FRAS1: variants seen among roughly 807,000 people sequenced by gnomAD.
FRAS1 encodes Fraser extracellular matrix complex subunit 1.
A neutral mutation model predicts 435.2 loss-of-function variants in FRAS1; 290 were observed. The ratio of observed to expected loss-of-function variants is 0.67; its 90% CI spans 0.61 to 0.73. The LOEUF (loss-of-function observed/expected upper bound fraction) is 0.73, where lower values mean the gene tolerates loss of function less well. FRAS1 is among the 30% of genes least tolerant of loss of function. FRAS1 has a pLI of 0.00. For synonymous variants in FRAS1, 1,800 were observed against 1,851.0 expected (o/e 0.97, Z 0.71); for missense variants, 4,860 against 5,001.5 (o/e 0.97, Z 0.85).
At chr4:78,399,493 T>A (rs2110343676) in intron 29 of FRAS1, among the ~76,000 whole-genome samples, 1 of 152,330 alleles carries the variant, frequency 6.6e-6, no homozygotes, top group Middle Eastern at 3.4e-3. Context: ...AGTCTCCTTC[T>A]GTGGAAAATG....
chr4:78,315,588 C>T lies in FRAS1; in HGVS notation c.1679-6C>T. 6.2e-7 allele frequency: 1 copy of T among 1,604,022 alleles called. No homozygotes were observed. The highest frequency in any genetic ancestry group is 1.3e-5 in the African/African-American group (1 of 74,556). On this transcript the variant is annotated splice_polypyrimidine_tract_variant and splice_region_variant and intron_variant, in intron 15 of 73. Coordinates refer to ENST00000512123, the MANE Select transcript of FRAS1 (RefSeq NM_025074.7). ...TTTCTCTGATGGGTTTTTTGCCTCCCCTTAGCTTGTGACCAATCCTGTGAC... is the reference window on the plus strand; with the variant it reads ...TTTCTCTGATGGGTTTTTTGCCTCCTCTTAGCTTGTGACCAATCCTGTGAC...
At position 78,347,447 on chromosome 4, in the gene FRAS1, G is replaced by A. The variant is rs114502259; in HGVS notation, c.2422+9630G>A. On this transcript the variant is annotated intron_variant, in intron 20 of 73. Coordinates refer to ENST00000512123, the MANE Select transcript of FRAS1 (RefSeq NM_025074.7). ...CACTCTTTGACACTGAAAACTTGTC[G>A]ATGCCTTCCCATTGCCCATTGCATT... 5.6e-3 allele frequency among the ~76,000 whole-genome samples: 847 copies of A among 152,194 alleles called. 6 individuals carry two copies. Among genetic ancestry groups the A allele is most frequent in the African/African-American group, 0.019 (797 of 41,516 alleles).
At chr4:78,059,601 G>A (rs924683) in intron 1 of FRAS1, among the ~76,000 whole-genome samples, 3 of 151,616 alleles carry the variant, frequency 2.0e-5, no homozygotes, top group Admixed American at 6.6e-5. Flanking sequence ...TTGGTACTTA[G>A]AAAAATTAAT....
At chr4:78,251,441 A>G (rs1397220763) in intron 4 of FRAS1, among the ~76,000 whole-genome samples, 1 of 152,258 alleles carries the variant, frequency 6.6e-6, no homozygotes, top group Non-Finnish European at 1.5e-5. Flanking sequence ...ACGGTTGGAT[A>G]TGCATATATA....
At chr4:78,112,699 A>G (rs1742815657) in intron 2 of FRAS1, among the ~76,000 whole-genome samples, 1 of 152,080 alleles carries the variant, frequency 6.6e-6, no homozygotes, top group South Asian at 2.1e-4. Flanking sequence ...TCAAATGTCT[A>G]TGCTTCATAG....
intron 41 of FRAS1, among the ~76,000 whole-genome samples, chr4:78,445,167 T>G (rs923381274): frequency 3.3e-5 from 5 of 152,262 alleles, no homozygotes; most frequent in African/African-American, 7.2e-5. Context: ...GAATCTCTGC[T>G]TCTGTATTGT....
chr4:78,067,708 A>ATTATTATTATTATTG (rs751750821), intron 2 of FRAS1, among the ~76,000 whole-genome samples: 1,942 of 135,638 alleles, frequency 0.014, 27 homozygotes, highest in East Asian at 0.032. Context: ...TATTATTATT[A>ATTATTATTATTATTG]TTATTTGTAA....
intron 50 of FRAS1, 148 bp from the exon 51 acceptor site, chr4:78,469,830 A>G (rs756186842): frequency 1.5e-6 from 1 of 672,702 alleles, no homozygotes; most frequent in Non-Finnish European, 2.7e-6. Context: ...TTGTGCCAGG[A>G]TGATAAGGGA....
rs779641361 is a variant in FRAS1, at chr4:78,507,426, G to T, written c.9322G>T (p.Asp3108Tyr). The part of the protein sequence containing the change: ...SRVLKFSPGV[D>Y]HIFFKVEILS... ...TTGTTCTGTCCTTGGCGAAGGTGTG[G>T]ATCATATCTTTTTTAAAGTTGAGAT... The change falls in exon 62 of 74, where the codon GAT becomes TAT. Residue 3108 changes from aspartate to tyrosine, a missense_variant. Asp to Tyr is a radical substitution (Grantham distance 160, BLOSUM62 -3). Coordinates refer to ENST00000512123, the MANE Select transcript of FRAS1 (RefSeq NM_025074.7). 6.2e-6 allele frequency: 10 copies of T among 1,610,262 alleles called. No homozygotes were observed. Among genetic ancestry groups the T allele is most frequent in the Non-Finnish European group, 8.5e-6 (10 of 1,178,472 alleles).
At chr4:78,072,720 T>C (rs1422225491) in intron 2 of FRAS1, among the ~76,000 whole-genome samples, 1 of 152,212 alleles carries the variant, frequency 6.6e-6, no homozygotes, top group African/African-American at 2.4e-5. Flanking sequence ...GCCTCTGGTC[T>C]TTATTTTAAA....
intron 14 of FRAS1, among the ~76,000 whole-genome samples, chr4:78,299,499 T>G (rs1728290599): frequency 6.6e-6 from 1 of 152,166 alleles, no homozygotes. Flanking sequence ...AGTATTTTAC[T>G]ATTTTAACAA....
chr4:78,166,066 G>T lies in FRAS1; in HGVS notation c.109-71444G>T, dbSNP rs531712658. Among the ~76,000 whole-genome samples the T allele has an allele frequency of 2.0e-5, 3 of 152,270 alleles. No homozygotes were observed. The East Asian group carries it at 5.8e-4, about 29-fold the overall frequency. ...CTACAGGCCCCTCTCAGTGCTTTCTGTTAAACCTGTGAGTAATCTAATTGG... is the reference window on the plus strand; with the variant it reads ...CTACAGGCCCCTCTCAGTGCTTTCTTTTAAACCTGTGAGTAATCTAATTGG... On this transcript the variant is annotated intron_variant, in intron 2 of 73. Transcript: ENST00000512123.
At chr4:78,521,468 C>A in intron 67 of FRAS1, 55 bp from the exon 68 acceptor site, 1 of 1,185,210 alleles carries the variant, frequency 8.4e-7, no homozygotes, top group Non-Finnish European at 1.2e-6. Context: ...TATGTGGTTG[C>A]TGTCAGGGAG....
chr4:78,363,663 A>G lies in FRAS1; in HGVS notation c.2573A>G (p.Lys858Arg). 1 of 1,583,018 alleles carries G rather than the reference A, an allele frequency of 6.3e-7. No homozygotes were observed. Among genetic ancestry groups the G allele is most frequent in the East Asian group, 2.3e-5 (1 of 43,262 alleles). Residue 858 changes from lysine to arginine, a missense_variant and splice_region_variant, in exon 21 of 74, where the codon AAA becomes AGA. Transcript: ENST00000512123. ...SGYYAERGAC[K>R]KCHSSCRTCQ... is the part of the protein sequence containing the mutation. ...TACTATGCAGAGAGAGGAGCTTGTA[A>G]AAGTGAGTAAGTGCTGGACTCAGGA...
intron 6 of FRAS1, among the ~76,000 whole-genome samples, chr4:78,260,836 G>C (rs891983420): frequency 6.6e-6 from 1 of 152,070 alleles, no homozygotes; most frequent in Non-Finnish European, 1.5e-5. Context: ...TATTGGTTGT[G>C]GATGTTTCTT....
chr4:78,446,244 A>G lies in FRAS1; in HGVS notation c.5857-483A>G, dbSNP rs1053609931. On this transcript the variant is annotated intron_variant, in intron 42 of 73. Transcript: ENST00000512123. The stretch of plus-strand genomic sequence containing the variant: ...GCCTTGGGAAAATAAAATGTAAAGA[A>G]CCCTCTGCACTCTTAAGGGTCAGTG... The G allele has an allele frequency of 3.0e-6, 3 of 996,624 alleles. No homozygotes were observed. In the African/African-American group the frequency reaches 5.2e-5, roughly 17 times the overall value. 61.7% of individuals were successfully genotyped at this position (996,624 alleles called of 1,614,324 possible).
intron 24 of FRAS1, among the ~76,000 whole-genome samples, chr4:78,373,379 A>G (rs1191839808): frequency 6.6e-6 from 1 of 151,408 alleles, no homozygotes; most frequent in Non-Finnish European, 1.5e-5. Flanking sequence ...TTCCTGGGGG[A>G]CTGAAAACTG....
At chr4:78,457,930 C>A (rs2109841071) in intron 47 of FRAS1, among the ~76,000 whole-genome samples, 1 of 152,334 alleles carries the variant, frequency 6.6e-6, no homozygotes, top group Middle Eastern at 3.4e-3. Context: ...GGGAAGTGGA[C>A]ATTTTGTCCA....
chr4:78,396,754 T>C (rs1274748795), intron 29 of FRAS1, among the ~76,000 whole-genome samples: 3 of 152,220 alleles, frequency 2.0e-5, no homozygotes, highest in African/African-American at 7.2e-5. Flanking sequence ...TTTCAAATGA[T>C]CTGTCTTTTG....
Sources: allele counts gnomAD v4.1 joint callset (sites outside exome capture counted in the v4.1 genomes callset), GRCh38; gene constraint gnomAD v4.1.1; transcripts MANE v1.5; gene names NCBI Gene and HGNC (gene_info 2026-07-23, HGNC 2026-07-21).